RPTOR: variants seen among roughly 807,000 people sequenced by gnomAD.
RPTOR encodes the protein regulatory-associated protein of mTOR.
A neutral mutation model predicts 169.9 loss-of-function variants in RPTOR; 21 were observed. The ratio of observed to expected loss-of-function variants is 0.12; its 90% CI spans 0.09 to 0.18. The LOEUF is 0.18. RPTOR is among the 10% of genes least tolerant of loss of function. The pLI, the probability that RPTOR is intolerant of heterozygous loss-of-function variation, is 1.00. For synonymous variants in RPTOR, 732 were observed against 753.2 expected (o/e 0.97, Z 0.46); for missense variants, 1,133 against 1,855.9 (o/e 0.61, Z 7.16).
rs568315397 is a variant in RPTOR at position 80,746,424 on chromosome 17, C to T, written c.655-7586C>T. ...TGCTGCCCGCTTACCTCATGAACTGCGCGTGCACTGACTCCACATTACCCA... is the reference window on the plus strand; with the variant it reads ...TGCTGCCCGCTTACCTCATGAACTGTGCGTGCACTGACTCCACATTACCCA... On this transcript the variant is annotated intron_variant, in intron 5 of 33. Transcript: ENST00000306801. This position sits in a 1 kb window ranked among gnomAD's most constrained non-coding sequence, Gnocchi z 4.5. 9.2e-5 allele frequency among the ~76,000 whole-genome samples: 14 copies of T among 152,332 alleles called. No individual in the cohort carries two copies. The highest frequency in any genetic ancestry group is 3.3e-4 in the Admixed American group (5 of 15,306).
In RPTOR at chr17:80,768,423, A is replaced by C. The variant is rs879454238; in HGVS notation, c.830+14238A>C. Among the ~76,000 whole-genome samples the C allele has an allele frequency of 1.2e-4, 18 of 152,184 alleles. 1 individual carries two copies. The highest frequency in any genetic ancestry group is 1.2e-3 in the Admixed American group (18 of 15,286). On this transcript the variant is annotated intron_variant, in intron 6 of 33. Transcript: ENST00000306801. The stretch of plus-strand genomic sequence containing the variant: ...CAAGTATACACAGAGTATCCTTTTA[A>C]CATAAAAGGAGCATTCAGAAAAGAA...
intron 6 of RPTOR, among the ~76,000 whole-genome samples, chr17:80,774,742 C>T (rs1389613607): frequency 6.6e-6 from 1 of 152,112 alleles, no homozygotes; most frequent in African/African-American, 2.4e-5. Flanking sequence ...TGCAAAGTAG[C>T]ATTTGCGGCG....
chr17:80,666,757 T>C (rs9889617), intron 3 of RPTOR, among the ~76,000 whole-genome samples: 11,671 of 152,102 alleles, frequency 0.077, 1,520 homozygotes, highest in African/African-American at 0.26. Flanking sequence ...CGTGGGGAGA[T>C]GGGTGGCCGA....
chr17:80,800,232 A>C (rs2067143464), intron 7 of RPTOR, among the ~76,000 whole-genome samples: 1 of 152,104 alleles, frequency 6.6e-6, no homozygotes, highest in South Asian at 2.1e-4. Context: ...ATCCAACCCG[A>C]GTCATATCAT....
chr17:80,567,734 G>T lies in RPTOR; in HGVS notation c.162+21943G>T, dbSNP rs935928392. On this transcript the variant is annotated intron_variant, in intron 1 of 33. Transcript: ENST00000306801. ...TTGAACCCGGGAGGCGGAGGTTGCA[G>T]CGAGCCGAGATCGCGCCACTGCCCT... Among the ~76,000 whole-genome samples, 15 of 151,832 alleles carry T rather than the reference G, an allele frequency of 9.9e-5. No homozygotes were observed. The South Asian group carries it at 1.7e-3, about 17-fold the overall frequency.
rs557375756 is a variant in RPTOR, at chr17:80,666,521, G to C, written c.348+22711G>C. Among the ~76,000 whole-genome samples, 10 of 152,274 alleles carry C rather than the reference G, an allele frequency of 6.6e-5. No homozygotes were observed. The South Asian group carries it at 2.1e-3, about 32-fold the overall frequency. ...GCGCAAGGATGAAAATGACTGCTTG[G>C]TTGGACGCAGCAAAATGTTGATTAT... is the stretch of plus-strand genomic sequence containing the variant. On this transcript the variant is annotated intron_variant, in intron 3 of 33. Transcript: ENST00000306801.
Position 80,949,564 on chromosome 17 carries a change from C to A in RPTOR, c.3370+17C>A. On this transcript the variant is annotated intron_variant, in intron 28 of 33. Coordinates refer to ENST00000306801, the MANE Select transcript of RPTOR (RefSeq NM_020761.3). ...CGACGCGAGGTGGGTCCGCCCGGCT[C>A]CTCCCCAGAGCAGAATGTGTTCCCG... is the stretch of plus-strand genomic sequence containing the variant. 6.2e-7 allele frequency: 1 copy of A among 1,603,822 alleles called. No homozygotes were observed.
intron 5 of RPTOR, among the ~76,000 whole-genome samples, chr17:80,750,831 G>A (rs936035281): frequency 4.6e-5 from 7 of 151,916 alleles, no homozygotes; most frequent in African/African-American, 9.7e-5. Context: ...TGATTGTTGC[G>A]TGGCATGTAA....
intron 1 of RPTOR, among the ~76,000 whole-genome samples, chr17:80,612,166 T>G (rs1419425398): frequency 6.6e-6 from 1 of 152,208 alleles, no homozygotes; most frequent in Non-Finnish European, 1.5e-5. Flanking sequence ...TTCTCACTCT[T>G]TCACCCAGGC....
At chr17:80,574,603 T>G (rs563375614) in intron 1 of RPTOR, among the ~76,000 whole-genome samples, 4 of 152,146 alleles carry the variant, frequency 2.6e-5, no homozygotes, top group Non-Finnish European at 5.9e-5. Flanking sequence ...TCAATGGGAC[T>G]GTAGTAATGT....
rs2065907635 is a variant in RPTOR at position 80,682,661 on chromosome 17, A to G, written c.349-25180A>G. On this transcript the variant is annotated intron_variant, in intron 3 of 33. Transcript: ENST00000306801. ...CTCCAGAGGGAGCGTGGCCCTGCTG[A>G]CTTAGTGATTTTGCATGAATACTTG... Among the ~76,000 whole-genome samples, 4 of 152,242 alleles carry G rather than the reference A, an allele frequency of 2.6e-5. No individual in the cohort carries two copies. In the South Asian group the frequency reaches 8.3e-4, roughly 31 times the overall value.
intron 1 of RPTOR, among the ~76,000 whole-genome samples, chr17:80,604,385 T>C (rs2143462574): frequency 6.6e-6 from 1 of 152,336 alleles, no homozygotes; most frequent in Middle Eastern, 3.4e-3. Context: ...ACCTATAAAA[T>C]ATCTTTGCAT....
At chr17:80,669,726 G>A (rs191879861) in intron 3 of RPTOR, among the ~76,000 whole-genome samples, 35 of 152,302 alleles carry the variant, frequency 2.3e-4, no homozygotes, top group African/African-American at 6.0e-4. Flanking sequence ...TCTCCCCTGC[G>A]CTCTGGTGAC....
intron 6 of RPTOR, among the ~76,000 whole-genome samples, chr17:80,760,189 G>A (rs922148185): frequency 5.3e-5 from 8 of 152,026 alleles, no homozygotes; most frequent in African/African-American, 1.9e-4. Context: ...ACGCACTTGG[G>A]TTAGGCTTTT....
intron 6 of RPTOR, among the ~76,000 whole-genome samples, chr17:80,778,054 C>T (rs561466572): frequency 1.3e-5 from 2 of 152,294 alleles, no homozygotes; most frequent in East Asian, 1.9e-4. Flanking sequence ...TGTATCTACT[C>T]CATACCATAA....
rs1293034341 is a variant in RPTOR at position 80,947,423 on chromosome 17, G to C, written c.3265+72G>C. On this transcript the variant is annotated intron_variant, in intron 27 of 33. Transcript: ENST00000306801. The surrounding 1 kb of genome is among the most constrained non-coding windows in gnomAD (Gnocchi z 4.4). ...AGTGGCGGGGAGGGTGTGTGATCCT[G>C]AGATGTGTTTGTACATCTGTCTTAC... 1.4e-6 allele frequency: 2 copies of C among 1,455,206 alleles called. No individual in the cohort carries two copies. Among genetic ancestry groups the C allele is most frequent in the Admixed American group, 5.4e-5 (2 of 37,382 alleles). The allele number at this position is 1,455,206 out of a possible 1,614,324, so 90.1% of individuals were successfully genotyped here. A position where few individuals can be genotyped will look rare whatever the true frequency, so the allele number is the denominator to read the frequency against.
At position 80,758,153 on chromosome 17, in the gene RPTOR, T is replaced by C. The variant is rs139087287; in HGVS notation, c.830+3968T>C. ...TAAGATGTGGCTTGAAAATTCATGA[T>C]TTCAATGGATGCTTCATGCAAGATG... On this transcript the variant is annotated intron_variant, in intron 6 of 33. Transcript: ENST00000306801. Among the ~76,000 whole-genome samples the C allele has an allele frequency of 9.8e-5, 15 of 152,332 alleles. No individual in the cohort carries two copies. In the East Asian group the frequency reaches 2.7e-3, roughly 27 times the overall value.
At chr17:80,574,188 C>T (rs12453669) in intron 1 of RPTOR, among the ~76,000 whole-genome samples, 82 of 132,908 alleles carry the variant, frequency 6.2e-4, no homozygotes, top group Middle Eastern at 0.011. Context: ...GACGGAGTCT[C>T]GCTCTGTCGC....
intron 21 of RPTOR, among the ~76,000 whole-genome samples, chr17:80,919,048 G>T (rs553439931): frequency 1.3e-5 from 2 of 152,190 alleles, no homozygotes; most frequent in African/African-American, 4.8e-5. Context: ...CCACTGACGC[G>T]GCGTTCTCTT....
Sources: gnomAD v4.1 joint callset for allele counts (sites outside exome capture counted in the v4.1 genomes callset) on GRCh38, gnomAD v4.1.1 for gene constraint, Gnocchi (gnomAD v3.1) non-coding constraint, MANE v1.5 for transcripts, NCBI Gene and HGNC (gene_info 2026-07-23, HGNC 2026-07-21) for gene names.